BMAL1: variants seen among roughly 807,000 people sequenced by gnomAD.
BMAL1 encodes the protein basic helix-loop-helix ARNT-like protein 1.
the BMAL1 span, among the ~76,000 whole-genome samples, chr11:13,323,342 C>G: frequency 2.6e-5 from 4 of 152,198 alleles, no homozygotes; most frequent in Admixed American, 2.6e-4. Context: ...GCCCCCAACT[C>G]CCATACCCAC....
chr11:13,365,418 A>G, the BMAL1 span: 1 of 1,274,782 alleles, frequency 7.8e-7, no homozygotes, highest in South Asian at 1.3e-5. Flanking sequence ...CTTAGAAAGC[A>G]CATCCTCTAT....
chr11:13,303,027 T>C, the BMAL1 span, among the ~76,000 whole-genome samples: 2 of 152,132 alleles, frequency 1.3e-5, no homozygotes, highest in South Asian at 2.1e-4. Flanking sequence ...GCCTGAGTGG[T>C]TATCAGGCAC....
chr11:13,365,342 CGTTT>C, the BMAL1 span: 6 of 487,832 alleles, frequency 1.2e-5, no homozygotes, highest in Admixed American at 3.5e-5. Context: ...TCTTCAGAGA[CGTTT>C]GTTTTCAGCA....
chr11:13,298,200 A>G, the BMAL1 span, among the ~76,000 whole-genome samples: 1 of 152,190 alleles, frequency 6.6e-6, no homozygotes, highest in African/African-American at 2.4e-5. Context: ...GCAGCTGTAC[A>G]TGCTGCTCCT....
At chr11:13,351,737 T>C in the BMAL1 span, among the ~76,000 whole-genome samples, 418 of 152,040 alleles carry the variant, frequency 2.7e-3, 1 homozygote, top group Non-Finnish European at 5.3e-3. Flanking sequence ...AAGGGCGAGG[T>C]CAGCTCTCCT....
At chr11:13,358,601 TG>T in the BMAL1 span, 1 of 1,580,464 alleles carries the variant, frequency 6.3e-7, no homozygotes, top group East Asian at 2.3e-5. Context: ...GGTGAGACCC[TG>T]GGCTCTATTG....
the BMAL1 span, among the ~76,000 whole-genome samples, chr11:13,366,226 C>T: frequency 6.6e-6 from 1 of 152,162 alleles, no homozygotes; most frequent in Non-Finnish European, 1.5e-5. Flanking sequence ...CCAAAGATTT[C>T]TGCTCTTTTT....
At chr11:13,279,102 C>T in the BMAL1 span, among the ~76,000 whole-genome samples, 1 of 152,222 alleles carries the variant, frequency 6.6e-6, no homozygotes, top group Non-Finnish European at 1.5e-5. Context: ...CTCCCCTCTC[C>T]GCCTCGGCCC....
the BMAL1 span, among the ~76,000 whole-genome samples, chr11:13,331,928 G>A: frequency 1.3e-5 from 2 of 152,158 alleles, no homozygotes; most frequent in African/African-American, 2.4e-5. Context: ...AAAGGCCAGC[G>A]GTTTTAGAGG....
At chr11:13,358,285 T>C in the BMAL1 span, 2 of 902,416 alleles carry the variant, frequency 2.2e-6, no homozygotes, top group Non-Finnish European at 3.1e-6. Context: ...GAGACTTTAG[T>C]TGAAAAGTCT....
the BMAL1 span, among the ~76,000 whole-genome samples, chr11:13,357,595 A>AC: frequency 1.3e-5 from 2 of 152,118 alleles, no homozygotes; most frequent in African/African-American, 4.8e-5. The surrounding 1 kb of genome is among the most constrained non-coding windows in gnomAD (Gnocchi z 4.8). Flanking sequence ...TTGCGTCCTC[A>AC]GTTCTTCTGC....
chr11:13,339,579 C>T, the BMAL1 span, among the ~76,000 whole-genome samples: 2 of 152,196 alleles, frequency 1.3e-5, no homozygotes, highest in Admixed American at 1.3e-4. Flanking sequence ...ACCTGGCCCT[C>T]TGACTGCACC....
At chr11:13,324,289 C>T in the BMAL1 span, among the ~76,000 whole-genome samples, 1 of 152,206 alleles carries the variant, frequency 6.6e-6, no homozygotes, top group African/African-American at 2.4e-5. Context: ...GGAATCTAAA[C>T]ATCTCGCCTT....
At chr11:13,326,996 A>G in the BMAL1 span, among the ~76,000 whole-genome samples, 2 of 151,762 alleles carry the variant, frequency 1.3e-5, no homozygotes, top group Non-Finnish European at 2.9e-5. Flanking sequence ...ATTTTGTTGT[A>G]TTTTTAGTAG....
the BMAL1 span, among the ~76,000 whole-genome samples, chr11:13,368,133 T>C: frequency 7.9e-5 from 12 of 152,368 alleles, no homozygotes; most frequent in African/African-American, 2.9e-4. Context: ...AAAATATGAA[T>C]GGCATTTGGG....
the BMAL1 span, among the ~76,000 whole-genome samples, chr11:13,299,155 G>A: frequency 3.9e-5 from 6 of 152,314 alleles, no homozygotes; most frequent in East Asian, 1.2e-3. Context: ...GGAGAGCTTG[G>A]CAACCACTTA....
At chr11:13,378,768 A>C in the BMAL1 span, 4 of 292,580 alleles carry the variant, frequency 1.4e-5, no homozygotes, top group South Asian at 1.6e-4. Flanking sequence ...TCTTGAGAAG[A>C]CTTAACTTTC....
chr11:13,345,604 A>T, the BMAL1 span, among the ~76,000 whole-genome samples: 1 of 152,068 alleles, frequency 6.6e-6, no homozygotes, highest in East Asian at 1.9e-4. Context: ...TGGAGGCAGG[A>T]TTGGCAGCAG....
chr11:13,295,548 G>A, the BMAL1 span, among the ~76,000 whole-genome samples: 1 of 152,092 alleles, frequency 6.6e-6, no homozygotes, highest in African/African-American at 2.4e-5. Flanking sequence ...GACCCCTTGC[G>A]AGGGCCGAGC....
Sources: allele counts gnomAD v4.1 joint callset (sites outside exome capture counted in the v4.1 genomes callset), GRCh38; gene constraint gnomAD v4.1.1; non-coding constraint Gnocchi (gnomAD v3.1); transcripts MANE v1.5; gene names NCBI Gene and HGNC (gene_info 2026-07-23, HGNC 2026-07-21).